Variants in CSMD1 observed in about 807,000 individuals in gnomAD.
CSMD1 encodes CUB and Sushi multiple domains 1.
In CSMD1, 213 loss-of-function variants were observed where a neutral mutation model predicts 417.5. That is an observed-to-expected ratio of 0.51 (90% CI 0.46 to 0.57). The LOEUF (loss-of-function observed/expected upper bound fraction) is 0.57. Among genes scored for constraint, CSMD1 ranks in the 20% least tolerant of loss-of-function variants. CSMD1 has a pLI of 0.00. For synonymous variants in CSMD1, 2,862 were observed against 1,736.8 expected (o/e 1.65, Z -16.11); for missense variants, 6,923 against 4,529.7 (o/e 1.53, Z -15.17).
At position 4,920,932 on chromosome 8, in the gene CSMD1, GAGAAAGAA is replaced by G. The variant is rs1182053483; in HGVS notation, c.85+73392_85+73399del. Among the ~76,000 whole-genome samples the G allele has an allele frequency of 7.8e-3, 213 of 27,136 alleles. 17 individuals carry two copies. The highest frequency in any genetic ancestry group is 0.021 in the Middle Eastern group (1 of 48). The allele number at this position is 27,136 out of a possible 152,430, so 17.8% of individuals were successfully genotyped here. ...AAAAGAAAAGAAAAGAAAAGAAAGAGAGAAAGAAAGAAAGAAAGAAAGAAAGAAAGAAA... is the reference window on the plus strand; with the variant it reads ...AAAAGAAAAGAAAAGAAAAGAAAGAGAGAAAGAAAGAAAGAAAGAAAGAAA... On this transcript the variant is annotated intron_variant, in intron 1 of 69. Transcript: ENST00000635120.
At chr8:3,159,177 G>C (rs951418071) in intron 38 of CSMD1, among the ~76,000 whole-genome samples, 1 of 152,082 alleles carries the variant, frequency 6.6e-6, no homozygotes, top group African/African-American at 2.4e-5. Flanking sequence ...GAGTTCAAAA[G>C]TCTCAAAAAA....
At chr8:3,256,639 T>A (rs1292721533) in intron 26 of CSMD1, among the ~76,000 whole-genome samples, 1 of 152,240 alleles carries the variant, frequency 6.6e-6, no homozygotes, top group Non-Finnish European at 1.5e-5. Context: ...ACTTCCAACA[T>A]GTGTGCCTTG....
At chr8:4,977,643 G>A (rs552682327) in intron 1 of CSMD1, among the ~76,000 whole-genome samples, 2 of 152,144 alleles carry the variant, frequency 1.3e-5, no homozygotes, top group African/African-American at 2.4e-5. Flanking sequence ...CTTACCCCAC[G>A]TGCAGACCCA....
intron 3 of CSMD1, among the ~76,000 whole-genome samples, chr8:4,110,779 G>C (rs567770948): frequency 6.6e-6 from 1 of 152,020 alleles, no homozygotes; most frequent in African/African-American, 2.4e-5. Flanking sequence ...ATTCAAACGA[G>C]AGATATTTTC....
rs553523681 is a variant in CSMD1 at position 4,110,515 on chromosome 8, G to T, written c.416-78416C>A. Among the ~76,000 whole-genome samples the T allele has an allele frequency of 6.4e-4, 97 of 152,200 alleles. 1 individual carries two copies. Among genetic ancestry groups the T allele is most frequent in the African/African-American group, 2.3e-3 (95 of 41,548 alleles). ...TTCATATATTATTTTCCCCTAGCGT[G>T]TGCAAGTTAAGGATTTTCATTTGTA... is the stretch of plus-strand genomic sequence containing the variant. On this transcript the variant is annotated intron_variant, in intron 3 of 69. Coordinates refer to ENST00000635120, the MANE Select transcript of CSMD1 (RefSeq NM_033225.6).
chr8:3,454,062 T>C (rs1054211600), intron 12 of CSMD1, among the ~76,000 whole-genome samples: 4 of 152,324 alleles, frequency 2.6e-5, no homozygotes, highest in East Asian at 1.9e-4. Flanking sequence ...TTTACCATTA[T>C]GTAATGGCCT....
At chr8:4,035,775 A>C (rs1290040342) in intron 3 of CSMD1, among the ~76,000 whole-genome samples, 2 of 152,176 alleles carry the variant, frequency 1.3e-5, no homozygotes, top group Admixed American at 6.5e-5. Flanking sequence ...CGTTATACTA[A>C]GCTTAATTTA....
At chr8:4,462,429 T>G (rs1340956569) in intron 2 of CSMD1, among the ~76,000 whole-genome samples, 3 of 152,130 alleles carry the variant, frequency 2.0e-5, no homozygotes, top group Non-Finnish European at 2.9e-5. Flanking sequence ...CCAAATTGAT[T>G]AGCAAATTTA....
chr8:3,824,089 C>G (rs901433865), intron 5 of CSMD1, among the ~76,000 whole-genome samples: 11 of 152,246 alleles, frequency 7.2e-5, no homozygotes, highest in African/African-American at 2.6e-4. Context: ...ACAAAAATGT[C>G]ACAGTGAAAT....
chr8:3,819,029 T>C (rs1308582277), intron 5 of CSMD1, among the ~76,000 whole-genome samples: 2 of 152,188 alleles, frequency 1.3e-5, no homozygotes, highest in African/African-American at 2.4e-5. Flanking sequence ...GACATCCAGA[T>C]TGACGGTAAA....
chr8:4,456,741 C>G (rs752706120), intron 2 of CSMD1, among the ~76,000 whole-genome samples: 5 of 152,120 alleles, frequency 3.3e-5, no homozygotes, highest in Non-Finnish European at 7.4e-5. Context: ...TCCTTACTGT[C>G]TAGTTGCTAG....
chr8:4,030,553 C>T (rs1312460712), intron 4 of CSMD1, among the ~76,000 whole-genome samples: 11 of 152,112 alleles, frequency 7.2e-5, no homozygotes, highest in Admixed American at 1.3e-4. Context: ...ACCCTTGGCC[C>T]GGCCCTCAAA....
intron 3 of CSMD1, among the ~76,000 whole-genome samples, chr8:4,314,030 T>A (rs924370793): frequency 6.6e-6 from 1 of 150,576 alleles, no homozygotes; most frequent in South Asian, 2.1e-4. Context: ...ATAATAATAA[T>A]AATAATGATA....
intron 3 of CSMD1, among the ~76,000 whole-genome samples, chr8:4,150,142 G>A (rs903329628): frequency 6.6e-6 from 1 of 152,178 alleles, no homozygotes; most frequent in African/African-American, 2.4e-5. Context: ...GGAATAAACT[G>A]TGATATCTTG....
chr8:3,532,537 T>G (rs1798025776), intron 10 of CSMD1, among the ~76,000 whole-genome samples: 1 of 152,198 alleles, frequency 6.6e-6, no homozygotes, highest in Non-Finnish European at 1.5e-5. Flanking sequence ...TTAGATCACC[T>G]TATTTGAGAA....
chr8:4,801,115 A>C (rs1001009268), intron 1 of CSMD1, among the ~76,000 whole-genome samples: 22 of 152,158 alleles, frequency 1.4e-4, no homozygotes, highest in African/African-American at 4.3e-4. Context: ...AGAAAAGAAA[A>C]ATTGGTGTCA....
intron 57 of CSMD1, among the ~76,000 whole-genome samples, chr8:2,972,908 T>A (rs1804584641): frequency 6.6e-6 from 1 of 152,162 alleles, no homozygotes; most frequent in Non-Finnish European, 1.5e-5. Context: ...ACAATAAGCA[T>A]CCGTGTGATG....
At chr8:4,211,777 C>A (rs562766121) in intron 3 of CSMD1, among the ~76,000 whole-genome samples, 1 of 152,184 alleles carries the variant, frequency 6.6e-6, no homozygotes, top group African/African-American at 2.4e-5. Context: ...AAACTATTTT[C>A]TTCAAACTGT....
intron 2 of CSMD1, among the ~76,000 whole-genome samples, chr8:4,504,824 A>C (rs1360484034): frequency 6.6e-6 from 1 of 152,066 alleles, no homozygotes. Context: ...ATTATTTTTT[A>C]TGGCTGCATA....
Sources: gnomAD v4.1 joint callset for allele counts (sites outside exome capture counted in the v4.1 genomes callset) on GRCh38, gnomAD v4.1.1 for gene constraint, MANE v1.5 for transcripts, NCBI Gene and HGNC (gene_info 2026-07-23, HGNC 2026-07-21) for gene names.